TMEM131: variants seen among roughly 807,000 people sequenced by gnomAD.
The protein encoded by TMEM131 is transmembrane protein 131.
TMEM131 carries 66 observed loss-of-function variants against 211.6 expected under a neutral mutation model. The ratio of observed to expected loss-of-function variants is 0.31; its 90% CI spans 0.26 to 0.38. TMEM131 has a LOEUF of 0.38. Ranked by LOEUF, TMEM131 falls within the 10% of genes least tolerant of loss-of-function variation. TMEM131 has a pLI of 1.00. For missense variants in TMEM131, 2,036 were observed against 2,299.3 expected (o/e 0.89, Z 2.34); for synonymous variants, 844 against 841.3 (o/e 1.00, Z -0.06).
chr2:97,889,423 C>T (rs1675289682), intron 3 of TMEM131, among the ~76,000 whole-genome samples: 1 of 151,848 alleles, frequency 6.6e-6, no homozygotes, highest in South Asian at 2.1e-4. Context: ...TTCTTTGGCG[C>T]CTTTAAAACA....
At chr2:97,813,484 T>C (rs969814662) in intron 15 of TMEM131, among the ~76,000 whole-genome samples, 30 of 152,138 alleles carry the variant, frequency 2.0e-4, no homozygotes, top group African/African-American at 2.4e-5. Context: ...GTACCAGGAG[T>C]ACCTTCATTG....
chr2:97,860,830 T>A lies in TMEM131; in HGVS notation c.360-1403A>T, dbSNP rs201929529. On this transcript the variant is annotated intron_variant, in intron 4 of 40. Coordinates refer to ENST00000186436, the MANE Select transcript of TMEM131 (RefSeq NM_015348.2). ...TAAGAACCAAAAATCAGGTGAGCACTCACAGTACTTGGTTTGGTTTTAACT... is the reference window on the plus strand; with the variant it reads ...TAAGAACCAAAAATCAGGTGAGCACACACAGTACTTGGTTTGGTTTTAACT... 2.6e-5 allele frequency among the ~76,000 whole-genome samples: 4 copies of A among 152,342 alleles called. No individual in the cohort carries two copies. The East Asian group carries it at 7.7e-4, about 29-fold the overall frequency.
intron 13 of TMEM131, 144 bp downstream of exon 13, chr2:97,815,055 T>C: frequency 2.3e-6 from 1 of 444,220 alleles, no homozygotes; most frequent in East Asian, 3.6e-5. Flanking sequence ...AGGTTTTCTC[T>C]TTTATAGTTG....
intron 21 of TMEM131, 44 bp from the exon 22 acceptor site, chr2:97,805,249 T>C (rs770756404): frequency 6.3e-7 from 1 of 1,580,198 alleles, no homozygotes; most frequent in East Asian, 2.3e-5. Flanking sequence ...TACTCACTTG[T>C]CAATTTTCCT....
At chr2:97,981,608 G>A (rs960172706) in intron 1 of TMEM131, among the ~76,000 whole-genome samples, 4 of 152,068 alleles carry the variant, frequency 2.6e-5, no homozygotes, top group African/African-American at 7.2e-5. Flanking sequence ...TTTAATAACA[G>A]CTCCCATTTT....
intron 31 of TMEM131, among the ~76,000 whole-genome samples, chr2:97,789,349 A>T (rs1222473077): frequency 2.6e-5 from 4 of 152,190 alleles, no homozygotes; most frequent in Non-Finnish European, 4.4e-5. Context: ...TTCCTAACAG[A>T]TGCTTCTGCT....
At chr2:97,794,850 C>T in intron 29 of TMEM131, 80 bp downstream of exon 29, 3 of 1,216,928 alleles carry the variant, frequency 2.5e-6, no homozygotes, top group Non-Finnish European at 3.4e-6. Context: ...GCACTCAGAA[C>T]AGTGGCTGGC....
intron 1 of TMEM131, among the ~76,000 whole-genome samples, chr2:97,970,611 TCAC>T (rs1175667693): frequency 2.6e-5 from 4 of 152,186 alleles, no homozygotes; most frequent in Non-Finnish European, 4.4e-5. Context: ...CCTCATCTAT[TCAC>T]CACTCACTCC....
intron 4 of TMEM131, among the ~76,000 whole-genome samples, chr2:97,879,289 A>G (rs1674825205): frequency 6.6e-6 from 1 of 152,198 alleles, no homozygotes; most frequent in African/African-American, 2.4e-5. Flanking sequence ...AAGAGACAGA[A>G]GACTCCTGGT....
intron 1 of TMEM131, among the ~76,000 whole-genome samples, chr2:97,982,455 T>C (rs1679841449): frequency 6.6e-6 from 1 of 152,202 alleles, no homozygotes; most frequent in Non-Finnish European, 1.5e-5. Context: ...TTTTCTTCCA[T>C]TCTGTGGGTT....
intron 1 of TMEM131, among the ~76,000 whole-genome samples, chr2:97,973,033 G>C (rs546975282): frequency 6.6e-6 from 1 of 152,062 alleles, no homozygotes; most frequent in African/African-American, 2.4e-5. Flanking sequence ...CACTACATAC[G>C]GACTTCTGAT....
chr2:97,933,670 T>C (rs765500726), intron 1 of TMEM131, among the ~76,000 whole-genome samples: 3 of 152,052 alleles, frequency 2.0e-5, no homozygotes, highest in Non-Finnish European at 1.5e-5. Flanking sequence ...AAATTACAAA[T>C]TGAACCCAGC....
chr2:97,848,386 C>T (rs963299911), intron 5 of TMEM131, among the ~76,000 whole-genome samples: 4 of 152,158 alleles, frequency 2.6e-5, no homozygotes, highest in African/African-American at 7.2e-5. Context: ...GGCTCCAGGA[C>T]TTCATGCAGA....
At chr2:97,784,432 G>A in intron 31 of TMEM131, among the ~76,000 whole-genome samples, 1 of 151,974 alleles carries the variant, frequency 6.6e-6, no homozygotes, top group East Asian at 1.9e-4. Flanking sequence ...ATTCAAAGTA[G>A]AAAGCAATAA....
intron 6 of TMEM131, among the ~76,000 whole-genome samples, chr2:97,843,303 C>T (rs1482652282): frequency 6.6e-6 from 1 of 152,126 alleles, no homozygotes; most frequent in East Asian, 1.9e-4. Flanking sequence ...TAGTACACTG[C>T]TGGACAAATA....
intron 1 of TMEM131, among the ~76,000 whole-genome samples, chr2:97,989,823 G>A (rs1680184632): frequency 6.6e-6 from 1 of 152,014 alleles, no homozygotes; most frequent in Non-Finnish European, 1.5e-5. Flanking sequence ...TAATCACATG[G>A]GAATTAAAAA....
At chr2:97,824,432 C>T (rs146876488) in intron 11 of TMEM131, among the ~76,000 whole-genome samples, 5,608 of 152,352 alleles carry the variant, frequency 0.037, 137 homozygotes, top group Middle Eastern at 0.082. Context: ...AGGTCCATTA[C>T]CATCCGAGGA....
chr2:97,940,987 T>C (rs1439937901), intron 1 of TMEM131, among the ~76,000 whole-genome samples: 4 of 152,148 alleles, frequency 2.6e-5, no homozygotes, highest in Non-Finnish European at 4.4e-5. Flanking sequence ...AAAGTTCATA[T>C]GGAACCAAAA....
chr2:97,951,465 C>T (rs1414212390), intron 1 of TMEM131, among the ~76,000 whole-genome samples: 1 of 152,098 alleles, frequency 6.6e-6, no homozygotes, highest in Non-Finnish European at 1.5e-5. Flanking sequence ...TCTACAGTCA[C>T]CTCACTGGTA....
Sources: gnomAD v4.1 joint callset for allele counts (sites outside exome capture counted in the v4.1 genomes callset) on GRCh38, gnomAD v4.1.1 for gene constraint, MANE v1.5 for transcripts, NCBI Gene and HGNC (gene_info 2026-07-23, HGNC 2026-07-21) for gene names.